PATL2: variants seen among roughly 807,000 people sequenced by gnomAD.
PATL2 encodes the protein PAT1 homolog 2.
PATL2 carries 73 observed loss-of-function variants against 77.0 expected under a neutral mutation model. The observed-to-expected ratio is 0.95, with a 90% confidence interval of 0.78 to 1.15. The LOEUF (loss-of-function observed/expected upper bound fraction) is 1.15. PATL2 is among the 50% of genes most tolerant of loss of function. The pLI is 0.00. For missense variants in PATL2, 618 were observed against 655.4 expected, an observed-to-expected ratio of 0.94 and a Z score of 0.62; for synonymous variants, 265 against 257.1, an observed-to-expected ratio of 1.03 and a Z score of -0.29.
At chr15:44,666,305 T>C (rs2141155251) in intron 17 of PATL2, 87 bp downstream of exon 17, 1 of 1,480,302 alleles carries the variant, frequency 6.8e-7, no homozygotes, top group South Asian at 1.2e-5. Flanking sequence ...ATGCTCATAA[T>C]TTAGAAGAAG....
chr15:44,705,345 G>A (rs1178508469), intron 3 of PATL2, among the ~76,000 whole-genome samples: 1 of 152,088 alleles, frequency 6.6e-6, no homozygotes, highest in Non-Finnish European at 1.5e-5. Flanking sequence ...GCCACGTCCA[G>A]CTAATTTTTG....
rs994626590 is a variant in PATL2, at chr15:44,703,677, T to C, written c.-76+6419A>G. Among the ~76,000 whole-genome samples the C allele has an allele frequency of 1.5e-4, 23 of 151,140 alleles. 1 individual carries two copies. The highest frequency in any genetic ancestry group is 5.6e-4 in the African/African-American group (23 of 40,854). On this transcript the variant is annotated intron_variant, in intron 3 of 17. Transcript: ENST00000682850. Reference sequence around the variant, plus strand: ...CTTTGTTTTAGTCTATGTGTGTCTTTATGGGTGAAGTGTGCTCCTTGTAGG... The same window carrying C: ...CTTTGTTTTAGTCTATGTGTGTCTTCATGGGTGAAGTGTGCTCCTTGTAGG...
intron 3 of PATL2, among the ~76,000 whole-genome samples, chr15:44,700,967 T>A (rs2086616941): frequency 6.6e-6 from 1 of 152,208 alleles, no homozygotes; most frequent in South Asian, 2.1e-4. Context: ...GGGGGGGGTT[T>A]TATCATGAAG....
In PATL2 at chr15:44,669,263, A is replaced by G. The variant is rs2085541244; in HGVS notation, c.1064+17T>C. 6.5e-7 allele frequency: 1 copy of G among 1,540,764 alleles called. No individual in the cohort carries two copies. Among genetic ancestry groups the G allele is most frequent in the Non-Finnish European group, 8.8e-7 (1 of 1,138,158 alleles). On this transcript the variant is annotated intron_variant, in intron 13 of 17. Coordinates refer to ENST00000682850, the MANE Select transcript of PATL2 (RefSeq NM_001387263.1). ...TCCTTCCCTTCCTGGGCTGAGGTGGAACCCTCCCACACTCACTCCAGGTTG... is the reference window on the plus strand; with the variant it reads ...TCCTTCCCTTCCTGGGCTGAGGTGGGACCCTCCCACACTCACTCCAGGTTG...
rs1205799443 is a variant in PATL2 at position 44,669,068 on chromosome 15, G to A, written c.1136C>T (p.Pro379Leu). Residue 379 changes from proline (P) to leucine (L), a missense_variant, in exon 14 of 18, where the codon CCC (proline) becomes CTC (leucine). Transcript: ENST00000682850. ...AACAGCCTGATCCTGGGGCAGGAAG[G>A]GGAGCAGCCGGGCCACCAGGGCCTT... is the stretch of plus-strand genomic sequence containing the variant. Reference protein sequence around the residue: ...KGKALVARLLPFLPQDQAVTI... With the variant: ...KGKALVARLLLFLPQDQAVTI... 12 of 1,551,120 alleles carry A rather than the reference G, an allele frequency of 7.7e-6. No homozygotes were observed. Among genetic ancestry groups the A allele is most frequent in the Non-Finnish European group, 1.0e-5 (12 of 1,146,752 alleles).
chr15:44,675,751 T>C (rs1427615371), intron 4 of PATL2, 60 bp from the exon 5 acceptor site: 25 of 1,409,568 alleles, frequency 1.8e-5, no homozygotes, highest in Non-Finnish European at 2.4e-5. Context: ...GAGTCTTGTC[T>C]AGAGAGGCTG....
Position 44,665,852 on chromosome 15 carries a change from A to G in PATL2, c.*101T>C, listed in dbSNP as rs1024793923. 2 of 1,547,320 alleles carry G rather than the reference A, an allele frequency of 1.3e-6. No homozygotes were observed. Among genetic ancestry groups the G allele is most frequent in the Non-Finnish European group, 1.7e-6 (2 of 1,145,564 alleles). Reference sequence around the variant, plus strand: ...AGGGTTCTCCAATATATAAAGGCATAAGAAATGTCTTCAGACTCTCTGGAT... The same window carrying G: ...AGGGTTCTCCAATATATAAAGGCATGAGAAATGTCTTCAGACTCTCTGGAT... On this transcript the variant is annotated 3_prime_UTR_variant, in exon 18 of 18. Coordinates refer to ENST00000682850, the MANE Select transcript of PATL2 (RefSeq NM_001387263.1).
At chr15:44,691,059 TA>T (rs1181417859) in intron 3 of PATL2, among the ~76,000 whole-genome samples, 2 of 151,590 alleles carry the variant, frequency 1.3e-5, no homozygotes, top group African/African-American at 4.8e-5. Flanking sequence ...ATTATAAAAA[TA>T]TGAGCTTTGG....
intron 3 of PATL2, among the ~76,000 whole-genome samples, chr15:44,678,115 G>A (rs2086033960): frequency 6.6e-6 from 1 of 152,136 alleles, no homozygotes; most frequent in Admixed American, 6.6e-5. Flanking sequence ...GCCTCCCAAA[G>A]GGCTGGGATT....
chr15:44,703,222 G>A (rs776841051), intron 3 of PATL2, among the ~76,000 whole-genome samples: 7 of 152,114 alleles, frequency 4.6e-5, no homozygotes, highest in Non-Finnish European at 8.8e-5. Context: ...CTTGCAGTAA[G>A]CTGAGATCAC....
rs954995562 is a variant in PATL2 at position 44,675,617 on chromosome 15, C to T, written c.91G>A (p.Glu31Lys). Reference protein sequence around the residue: ...VSACQLEKEEENEGEEEEEEE... With the variant: ...VSACQLEKEEKNEGEEEEEEE... ...TCTTCCTCCTCCTCCCCTTCATTCT[C>T]TTCTTCTTTTTCCAACTGGCAGGCA... Residue 31 changes from glutamate to lysine, a missense_variant, in exon 5 of 18, where the codon GAG becomes AAG. Transcript: ENST00000682850. 1 of 1,551,990 alleles carries T rather than the reference C, an allele frequency of 6.4e-7. No homozygotes were observed. The highest frequency in any genetic ancestry group is 2.0e-5 in the Admixed American group (1 of 51,002).
chr15:44,702,090 GT>G (rs1173708598), intron 3 of PATL2, among the ~76,000 whole-genome samples: 1 of 152,122 alleles, frequency 6.6e-6, no homozygotes, highest in Non-Finnish European at 1.5e-5. Flanking sequence ...AACTATATCA[GT>G]TGGTATTAGT....
intron 14 of PATL2, 22 bp downstream of exon 14, chr15:44,668,956 CTT>C: frequency 1.3e-6 from 2 of 1,511,322 alleles, no homozygotes; most frequent in Non-Finnish European, 1.8e-6. Flanking sequence ...AGACCATCCT[CTT>C]CTCCACTCAA....
intron 9 of PATL2, among the ~76,000 whole-genome samples, chr15:44,670,680 C>T (rs1354090381): frequency 1.3e-5 from 2 of 152,218 alleles, no homozygotes; most frequent in African/African-American, 4.8e-5. Context: ...GGTCAGAGAG[C>T]AAAGTGGAGA....
intron 3 of PATL2, among the ~76,000 whole-genome samples, chr15:44,696,236 C>T (rs1197826871): frequency 6.6e-6 from 1 of 152,138 alleles, no homozygotes; most frequent in Non-Finnish European, 1.5e-5. Flanking sequence ...AATTTAGTAA[C>T]TGGGTATAAT....
intron 3 of PATL2, among the ~76,000 whole-genome samples, chr15:44,691,651 ACT>A (rs2086394511): frequency 1.3e-5 from 2 of 149,404 alleles, no homozygotes; most frequent in South Asian, 4.2e-4. Flanking sequence ...ACAGAGTGAG[ACT>A]CTGTCTCAAA....
intron 3 of PATL2, 173 bp from the exon 4 acceptor site, chr15:44,676,738 G>A (rs1035848215): frequency 1.3e-5 from 16 of 1,253,776 alleles, no homozygotes; most frequent in African/African-American, 7.6e-5. Context: ...CTCCCAGCTC[G>A]GCTCTAGGGA....
chr15:44,674,428 T>C (rs990513380), intron 5 of PATL2, 198 bp from the exon 6 acceptor site: 3 of 575,254 alleles, frequency 5.2e-6, no homozygotes, highest in African/African-American at 3.8e-5. Context: ...GGAATAAGAC[T>C]AGTGCAGTGG....
chr15:44,667,213 A>T lies in PATL2; in HGVS notation c.1366-10T>A. 2 of 1,545,164 alleles carry T rather than the reference A, an allele frequency of 1.3e-6. No homozygotes were observed. The highest frequency in any genetic ancestry group is 1.8e-6 in the Non-Finnish European group (2 of 1,141,368). On this transcript the variant is annotated splice_polypyrimidine_tract_variant and intron_variant, in intron 15 of 17. Transcript: ENST00000682850. ...GCAAAGATATTCCAAACTGCAAGGG[A>T]CATATATATATTCCAGAGCAAAATG... is the stretch of plus-strand genomic sequence containing the variant.
Sources: gnomAD v4.1 joint callset for allele counts (sites outside exome capture counted in the v4.1 genomes callset) on GRCh38, gnomAD v4.1.1 for gene constraint, MANE v1.5 for transcripts, NCBI Gene and HGNC (gene_info 2026-07-23, HGNC 2026-07-21) for gene names.